ZFAND3: variants seen among roughly 807,000 people sequenced by gnomAD.
ZFAND3 encodes the protein zinc finger AN1-type containing 3.
Under a neutral mutation model 29.6 loss-of-function variants are expected in ZFAND3, and 10 were observed. That is an observed-to-expected ratio of 0.34 (90% CI 0.21 to 0.57). ZFAND3 has a LOEUF of 0.57. Among genes scored for constraint, ZFAND3 ranks in the 20% least tolerant of loss-of-function variants. ZFAND3 has a pLI of 0.86. For missense variants in ZFAND3, 230 were observed against 304.5 expected (o/e 0.76, Z 1.82); for synonymous variants, 128 against 112.6 (o/e 1.14, Z -0.87).
Position 38,078,312 on chromosome 6 carries a change from A to C in ZFAND3, c.296-4080A>C, listed in dbSNP as rs540144761. Among the ~76,000 whole-genome samples the C allele has an allele frequency of 6.6e-5, 10 of 152,298 alleles. No individual in the cohort carries two copies. The South Asian group carries it at 2.1e-3, about 32-fold the overall frequency. ...AATATTCACTCTTCTCTAGTCACAA[A>C]CCAGTTACCAGAGGCTTTATTCACA... On this transcript the variant is annotated intron_variant, in intron 3 of 5. Coordinates refer to ENST00000287218, the MANE Select transcript of ZFAND3 (RefSeq NM_021943.3).
intron 2 of ZFAND3, among the ~76,000 whole-genome samples, chr6:37,957,243 T>C (rs1762100132): frequency 6.6e-6 from 1 of 152,220 alleles, no homozygotes; most frequent in Non-Finnish European, 1.5e-5. Context: ...TTCTATAACT[T>C]GCCAATTCTA....
intron 2 of ZFAND3, among the ~76,000 whole-genome samples, chr6:37,943,100 A>G (rs1235542534): frequency 6.6e-6 from 1 of 152,116 alleles, no homozygotes. Context: ...TTGAAAAAAA[A>G]GGTTTCTAGA....
intron 5 of ZFAND3, among the ~76,000 whole-genome samples, chr6:38,122,086 T>C (rs897346286): frequency 6.6e-6 from 1 of 152,226 alleles, no homozygotes; most frequent in Non-Finnish European, 1.5e-5. Context: ...GTTACTGGCA[T>C]GGACTCATGG....
At chr6:38,109,504 T>A (rs1261494178) in intron 4 of ZFAND3, among the ~76,000 whole-genome samples, 1 of 152,036 alleles carries the variant, frequency 6.6e-6, no homozygotes, top group Non-Finnish European at 1.5e-5. Context: ...CATTTAAGAT[T>A]GTTCTATTTG....
chr6:38,048,584 T>G (rs1009278938), intron 2 of ZFAND3, among the ~76,000 whole-genome samples: 1 of 110,398 alleles, frequency 9.1e-6, no homozygotes, highest in Non-Finnish European at 1.7e-5. Context: ...ATCGCGCCAC[T>G]GCACTCCAGC....
intron 2 of ZFAND3, among the ~76,000 whole-genome samples, chr6:37,941,476 T>TG (rs368199898): frequency 1.1e-4 from 16 of 152,232 alleles, no homozygotes; most frequent in Non-Finnish European, 1.6e-4. Flanking sequence ...GCATATGTGG[T>TG]GGGGGGAGTG....
intron 2 of ZFAND3, among the ~76,000 whole-genome samples, chr6:38,000,833 C>T (rs1462989404): frequency 6.6e-6 from 1 of 152,172 alleles, no homozygotes; most frequent in Non-Finnish European, 1.5e-5. Context: ...CTTTTTACTC[C>T]TAGAGACAAA....
Position 37,880,278 on chromosome 6 carries a change from T to C in ZFAND3, c.72-49681T>C, listed in dbSNP as rs1238872464. On this transcript the variant is annotated intron_variant, in intron 1 of 5. Transcript: ENST00000287218. ...ATGGTGTCAACCAGTGCTTTTCTCC[T>C]TTGCTTTATCCTATTGTGTCAGCAG... is the stretch of plus-strand genomic sequence containing the variant. Among the ~76,000 whole-genome samples the C allele has an allele frequency of 2.0e-4, 31 of 152,226 alleles. 1 individual carries two copies.
intron 1 of ZFAND3, among the ~76,000 whole-genome samples, chr6:37,867,216 G>T (rs1001991112): frequency 6.6e-6 from 1 of 152,182 alleles, no homozygotes; most frequent in Non-Finnish European, 1.5e-5. Context: ...TGCATGTTGT[G>T]CAGTAAAGAA....
At chr6:37,827,609 C>A (rs1441602685) in intron 1 of ZFAND3, among the ~76,000 whole-genome samples, 2 of 152,132 alleles carry the variant, frequency 1.3e-5, no homozygotes, top group Non-Finnish European at 2.9e-5. Context: ...TGGACAAAAC[C>A]AAACTGATCT....
intron 1 of ZFAND3, among the ~76,000 whole-genome samples, chr6:37,845,534 G>A (rs1469171444): frequency 2.0e-5 from 3 of 152,202 alleles, no homozygotes; most frequent in Non-Finnish European, 4.4e-5. Flanking sequence ...CTCAAAGGAA[G>A]CATGTATAGC....
intron 2 of ZFAND3, among the ~76,000 whole-genome samples, chr6:38,004,247 T>C (rs1392559955): frequency 2.6e-5 from 4 of 152,158 alleles, no homozygotes; most frequent in Admixed American, 6.5e-5. Flanking sequence ...AAAACTCTTG[T>C]GTATTTTGAA....
At chr6:38,034,687 C>T (rs1051248157) in intron 2 of ZFAND3, among the ~76,000 whole-genome samples, 1 of 152,014 alleles carries the variant, frequency 6.6e-6, no homozygotes, top group Admixed American at 6.6e-5. Flanking sequence ...GGATCTTCTC[C>T]CCAAATAGGG....
intron 1 of ZFAND3, among the ~76,000 whole-genome samples, chr6:37,879,011 T>C (rs878922963): frequency 3.3e-5 from 5 of 152,230 alleles, no homozygotes; most frequent in African/African-American, 1.2e-4. Context: ...CAAATATCCT[T>C]CTTGGTCACA....
chr6:38,023,032 A>G (rs1289631226), intron 2 of ZFAND3, among the ~76,000 whole-genome samples: 1 of 152,230 alleles, frequency 6.6e-6, no homozygotes, highest in African/African-American at 2.4e-5. Flanking sequence ...AGTAAAATCA[A>G]AGTTGCTACT....
chr6:38,035,639 CCTTTT>C (rs1763643033), intron 2 of ZFAND3, among the ~76,000 whole-genome samples: 1 of 152,054 alleles, frequency 6.6e-6, no homozygotes, highest in Admixed American at 6.5e-5. Flanking sequence ...CAAATTCCTG[CCTTTT>C]CTTTTTCTGT....
intron 2 of ZFAND3, among the ~76,000 whole-genome samples, chr6:38,021,966 T>TAA (rs2127447750): frequency 6.6e-6 from 1 of 152,336 alleles, no homozygotes; most frequent in East Asian, 1.9e-4. Flanking sequence ...ATAGCAGACT[T>TAA]ACAGTTTTAT....
chr6:37,938,128 G>A (rs970068180), intron 2 of ZFAND3, among the ~76,000 whole-genome samples: 2 of 151,126 alleles, frequency 1.3e-5, no homozygotes, highest in Admixed American at 1.3e-4. Context: ...TATAAATATT[G>A]TTATGATTCT....
chr6:38,110,719 G>A (rs146697944), intron 4 of ZFAND3, among the ~76,000 whole-genome samples: 8 of 152,298 alleles, frequency 5.3e-5, no homozygotes, highest in Admixed American at 2.6e-4. Context: ...TTCATCTTTC[G>A]TAGAAGTAAG....
Sources: gnomAD v4.1 joint callset for allele counts (sites outside exome capture counted in the v4.1 genomes callset) on GRCh38, gnomAD v4.1.1 for gene constraint, MANE v1.5 for transcripts, NCBI Gene and HGNC (gene_info 2026-07-23, HGNC 2026-07-21) for gene names.